Variants in ZNF700 observed in about 807,000 individuals in gnomAD.
ZNF700 encodes zinc finger protein 700.
In ZNF700, 38 loss-of-function variants were observed where a neutral mutation model predicts 65.3. The ratio of observed to expected loss-of-function variants is 0.58; its 90% CI spans 0.45 to 0.76. The LOEUF is 0.76. ZNF700 is among the 30% of genes least tolerant of loss of function. ZNF700 has a pLI of 0.00. For synonymous variants in ZNF700, 285 were observed against 290.4 expected (o/e 0.98, Z 0.19); for missense variants, 857 against 888.4 (o/e 0.96, Z 0.45).
At chr19:11,938,988 A>T (rs962458140) in intron 1 of ZNF700, among the ~76,000 whole-genome samples, 3 of 152,038 alleles carry the variant, frequency 2.0e-5, no homozygotes, top group African/African-American at 7.2e-5. Flanking sequence ...GATGATGAGC[A>T]TTTTTCCATG....
chr19:11,941,382 G>C (rs1972881033), intron 1 of ZNF700, among the ~76,000 whole-genome samples: 1 of 152,224 alleles, frequency 6.6e-6, no homozygotes, highest in Admixed American at 6.5e-5. Context: ...CCGCACAGGA[G>C]CCCATGGAGG....
At chr19:11,942,152 T>G (rs1972895061) in intron 1 of ZNF700, among the ~76,000 whole-genome samples, 1 of 151,216 alleles carries the variant, frequency 6.6e-6, no homozygotes, top group Non-Finnish European at 1.5e-5. Flanking sequence ...GGATGTTTCT[T>G]TCTACTTAGG....
At chr19:11,934,906 T>G (rs532061584) in intron 1 of ZNF700, among the ~76,000 whole-genome samples, 1 of 146,216 alleles carries the variant, frequency 6.8e-6, no homozygotes, top group Non-Finnish European at 1.5e-5. Flanking sequence ...TTTGGTCGGG[T>G]GCGGTGGCTC....
chr19:11,947,679 C>G (rs577545162), intron 3 of ZNF700, 105 bp downstream of exon 3: 1 of 1,123,030 alleles, frequency 8.9e-7, no homozygotes, highest in East Asian at 2.4e-5. Context: ...GCATCAAATT[C>G]ATTTCTTCTT....
chr19:11,939,749 C>G (rs1972851204), intron 1 of ZNF700, among the ~76,000 whole-genome samples: 1 of 152,264 alleles, frequency 6.6e-6, no homozygotes, highest in Non-Finnish European at 1.5e-5. Flanking sequence ...GCATGAGTCA[C>G]CACACCTGGC....
rs143373214 is a variant in ZNF700 at position 11,948,491 on chromosome 19, A to G, written c.467A>G (p.Tyr156Cys). 41 of 1,613,938 alleles carry G rather than the reference A, an allele frequency of 2.5e-5. No individual in the cohort carries two copies. Among genetic ancestry groups the G allele is most frequent in the Non-Finnish European group, 3.3e-5 (39 of 1,180,000 alleles). The change falls in exon 4 of 4, where the codon TAT (tyrosine) becomes TGT (cysteine). Residue 156 changes from tyrosine (Y) to cysteine (C), a missense_variant. Transcript: ENST00000254321. ...GACACTGGACACAAGGCATATGAGT[A>G]TCAGGAATATGGACCAAAGCCATAT... ...RGDTGHKAYE[Y>C]QEYGPKPYKC... is the part of the protein sequence containing the mutation.
At position 11,948,648 on chromosome 19, in the gene ZNF700, C is replaced by T. The variant is rs774533011; in HGVS notation, c.624C>T (p.Ser208=). ...GAAAAACCTTTATTTTCCATTCAAG[C>T]ATTCGAAGACACATGGTAATGCACA... ...VCGKTFIFHS[S]IRRHMVMHSG... is the part of the protein sequence containing the mutation. Residue 208 remains serine (S), a synonymous_variant, in exon 4 of 4, where the codon AGC becomes AGT. Coordinates refer to ENST00000254321, the MANE Select transcript of ZNF700 (RefSeq NM_144566.3). The T allele has an allele frequency of 1.2e-6, 2 of 1,611,376 alleles. No homozygotes were observed. The highest frequency in any genetic ancestry group is 1.7e-6 in the Non-Finnish European group (2 of 1,179,462).
In ZNF700 at chr19:11,949,617, T is replaced by C. The variant is rs1451045764; in HGVS notation, c.1593T>C (p.Thr531=). ...KSFQTHEKTH[T]GEKPYECNQC... is the part of the protein sequence containing the mutation. The stretch of plus-strand genomic sequence containing the variant: ...TTCAAACACATGAAAAAACTCACAC[T>C]GGAGAGAAACCCTATGAATGCAACC... Residue 531 remains threonine (T), a synonymous_variant, in exon 4 of 4, where the codon ACT becomes ACC. Coordinates refer to ENST00000254321, the MANE Select transcript of ZNF700 (RefSeq NM_144566.3). The C allele has an allele frequency of 6.2e-7, 1 of 1,613,486 alleles. No homozygotes were observed. Among genetic ancestry groups the C allele is most frequent in the African/African-American group, 1.3e-5 (1 of 74,808 alleles).
Position 11,949,946 on chromosome 19 carries a change from C to T in ZNF700, c.1922C>T (p.Thr641Ile). The T allele has an allele frequency of 6.2e-7, 1 of 1,614,086 alleles. No individual in the cohort carries two copies. The highest frequency in any genetic ancestry group is 8.5e-7 in the Non-Finnish European group (1 of 1,180,004). ...TCAAACCTTCAGATGCATGAAAGGA[C>T]TCACACTGGAGAGAAACCCTATGAA... Reference protein sequence around the residue: ...SASNLQMHERTHTGEKPYECK... With the variant: ...SASNLQMHERIHTGEKPYECK... The change falls in exon 4 of 4, where the codon ACT becomes ATT. Residue 641 changes from threonine to isoleucine, a missense_variant. By Grantham distance (89) the Thr-to-Ile change is moderately conservative (BLOSUM62 -1). Transcript: ENST00000254321.
chr19:11,936,078 A>G (rs183953), intron 1 of ZNF700, among the ~76,000 whole-genome samples: 26,889 of 152,092 alleles, frequency 0.18, 5,096 homozygotes, highest in African/African-American at 0.48. Context: ...TGGTGTATAT[A>G]TGCCACATTT....
At chr19:11,927,233 A>C (rs1972642655) in intron 1 of ZNF700, among the ~76,000 whole-genome samples, 1 of 152,040 alleles carries the variant, frequency 6.6e-6, no homozygotes, top group Admixed American at 6.6e-5. Flanking sequence ...CTGCACCTGT[A>C]GTCCCAGGTG....
chr19:11,931,851 C>T (rs1266590762), intron 1 of ZNF700, among the ~76,000 whole-genome samples: 2 of 148,062 alleles, frequency 1.4e-5, no homozygotes, highest in Non-Finnish European at 2.9e-5. Context: ...CACGGTGGCT[C>T]GCGCCTATAA....
Position 11,950,316 on chromosome 19 carries a change from A to G in ZNF700, c.*63A>G, listed in dbSNP as rs926043125. On this transcript the variant is annotated 3_prime_UTR_variant, in exon 4 of 4. Transcript: ENST00000254321. ...GAAGGAAGCACTATGAATGCAAGCA[A>G]TGTGGCAAAACTTTCACATTTTCCA... is the stretch of plus-strand genomic sequence containing the variant. 2.2e-5 allele frequency: 34 copies of G among 1,520,596 alleles called. No individual in the cohort carries two copies. Among genetic ancestry groups the G allele is most frequent in the East Asian group, 1.8e-4 (8 of 44,270 alleles). 94.2% of individuals were successfully genotyped at this position (1,520,596 alleles called of 1,614,324 possible).
At position 11,950,364 on chromosome 19, in the gene ZNF700, G is replaced by A; in HGVS notation, c.*111G>A. 9.0e-7 allele frequency: 1 copy of A among 1,114,918 alleles called. No individual in the cohort carries two copies. The highest frequency in any genetic ancestry group is 1.3e-6 in the Non-Finnish European group (1 of 752,376). The allele number at this position is 1,114,918 out of a possible 1,614,324, so 69.1% of individuals were successfully genotyped here. On this transcript the variant is annotated 3_prime_UTR_variant, in exon 4 of 4. Coordinates refer to ENST00000254321, the MANE Select transcript of ZNF700 (RefSeq NM_144566.3). ...CCAGTTCTTTTCGATATCATGAAAG[G>A]ACTCACACTGGGGAGAAACCCTATC...
At chr19:11,945,324 C>G (rs1396241589) in intron 1 of ZNF700, among the ~76,000 whole-genome samples, 1 of 152,188 alleles carries the variant, frequency 6.6e-6, no homozygotes, top group Non-Finnish European at 1.5e-5. Flanking sequence ...TCTCACCTGC[C>G]TTCTGGTTTT....
At chr19:11,939,560 G>C (rs977608718) in intron 1 of ZNF700, among the ~76,000 whole-genome samples, 23 of 152,168 alleles carry the variant, frequency 1.5e-4, no homozygotes, top group Middle Eastern at 3.4e-3. Flanking sequence ...ATTTCTGAGG[G>C]CTCTGTTCTG....
At position 11,947,176 on chromosome 19, in the gene ZNF700, T is replaced by C; in HGVS notation, c.64-5T>C. 6.2e-7 allele frequency: 1 copy of C among 1,613,560 alleles called. No individual in the cohort carries two copies. Among genetic ancestry groups the C allele is most frequent in the South Asian group, 1.1e-5 (1 of 90,988 alleles). On this transcript the variant is annotated splice_region_variant and splice_polypyrimidine_tract_variant and intron_variant, in intron 1 of 3. Transcript: ENST00000254321. ...ATCTTCCTCTACACATGTGAGATGT[T>C]TCAGGACCCAGTGGCCTTTGAGGAT...
intron 1 of ZNF700, among the ~76,000 whole-genome samples, chr19:11,943,760 A>G (rs569751868): frequency 4.8e-4 from 73 of 152,344 alleles, no homozygotes; most frequent in African/African-American, 1.6e-3. Context: ...ACTGGGAACA[A>G]TCTTCCATGT....
intron 3 of ZNF700, among the ~76,000 whole-genome samples, 161 bp from the exon 4 acceptor site, chr19:11,948,115 G>A (rs1306694964): frequency 6.6e-6 from 1 of 152,160 alleles, no homozygotes; most frequent in Non-Finnish European, 1.5e-5. Context: ...GTATGGCTGG[G>A]TCATCTTGTA....
Sources: gnomAD v4.1 joint callset for allele counts (sites outside exome capture counted in the v4.1 genomes callset) on GRCh38, gnomAD v4.1.1 for gene constraint, MANE v1.5 for transcripts, NCBI Gene and HGNC (gene_info 2026-07-23, HGNC 2026-07-21) for gene names.